Variants in NKAIN2 observed in about 807,000 individuals in gnomAD.
NKAIN2 encodes the protein sodium/potassium transporting ATPase interacting 2.
Under a neutral mutation model 32.6 loss-of-function variants are expected in NKAIN2, and 14 were observed. The ratio of observed to expected loss-of-function variants is 0.43; its 90% CI spans 0.28 to 0.67. NKAIN2 has a LOEUF of 0.67. NKAIN2 is among the 30% of genes least tolerant of loss of function. The pLI, the probability that NKAIN2 is intolerant of heterozygous loss-of-function variation, is 0.17. For synonymous variants in NKAIN2, 80 were observed against 87.2 expected, an observed-to-expected ratio of 0.92 and a Z score of 0.46; for missense variants, 198 against 258.3, an observed-to-expected ratio of 0.77 and a Z score of 1.60.
intron 1 of NKAIN2, among the ~76,000 whole-genome samples, chr6:124,031,973 A>G (rs1008837114): frequency 6.6e-6 from 1 of 152,012 alleles, no homozygotes; most frequent in African/African-American, 2.4e-5. Flanking sequence ...ACATATGTTT[A>G]CTGCAGCACT....
At chr6:124,194,386 G>A (rs564159396) in intron 1 of NKAIN2, among the ~76,000 whole-genome samples, 2 of 151,856 alleles carry the variant, frequency 1.3e-5, no homozygotes, top group South Asian at 2.1e-4. Flanking sequence ...ATCTGTTTCT[G>A]TTATTTAATG....
At chr6:124,609,462 A>G (rs982396901) in intron 3 of NKAIN2, among the ~76,000 whole-genome samples, 1 of 152,140 alleles carries the variant, frequency 6.6e-6, no homozygotes, top group Non-Finnish European at 1.5e-5. Flanking sequence ...GAATATTTAT[A>G]AATCTTGTTC....
At chr6:123,854,016 G>A (rs529246503) in intron 1 of NKAIN2, among the ~76,000 whole-genome samples, 4 of 151,968 alleles carry the variant, frequency 2.6e-5, no homozygotes, top group East Asian at 1.9e-4. Context: ...CAGGTGCTCC[G>A]CCTGCCTTGG....
intron 1 of NKAIN2, among the ~76,000 whole-genome samples, chr6:123,888,072 A>G (rs1462183873): frequency 2.6e-5 from 4 of 152,160 alleles, no homozygotes; most frequent in African/African-American, 9.7e-5. Context: ...AATGCTCTAT[A>G]TAAATATAAA....
chr6:124,016,241 C>T (rs1262688616), intron 1 of NKAIN2, among the ~76,000 whole-genome samples: 1 of 152,006 alleles, frequency 6.6e-6, no homozygotes, highest in African/African-American at 2.4e-5. Flanking sequence ...CAGGTTTTGT[C>T]ATAAAATTTT....
chr6:124,626,873 G>C (rs1382085440), intron 3 of NKAIN2, among the ~76,000 whole-genome samples: 1 of 152,142 alleles, frequency 6.6e-6, no homozygotes, highest in Non-Finnish European at 1.5e-5. Context: ...CCTTCCAGAG[G>C]AGAATGAAGC....
intron 4 of NKAIN2, among the ~76,000 whole-genome samples, chr6:124,706,586 G>A (rs528237176): frequency 5.5e-4 from 83 of 152,212 alleles, no homozygotes; most frequent in African/African-American, 1.9e-3. Context: ...AAACTGAGAA[G>A]TTCCAAACAG....
rs990447196 is a variant in NKAIN2 at position 124,388,465 on chromosome 6, C to A, written c.273+33118C>A. On this transcript the variant is annotated intron_variant, in intron 3 of 6. Transcript: ENST00000368417. ...TGCTGATGCTGCTGGCCCATGTGCC[C>A]CACTTTGAAAAACACTGATCTACAG... Among the ~76,000 whole-genome samples, 9 of 151,910 alleles carry A rather than the reference C, an allele frequency of 5.9e-5. 1 individual carries two copies. The highest frequency in any genetic ancestry group is 5.9e-4 in the Admixed American group (9 of 15,224).
chr6:124,373,143 T>C (rs1799837869), intron 3 of NKAIN2, among the ~76,000 whole-genome samples: 1 of 152,146 alleles, frequency 6.6e-6, no homozygotes, highest in South Asian at 2.1e-4. Context: ...GTAAAAAGTA[T>C]ATATCCTAAT....
At chr6:123,982,895 A>G (rs1221903435) in intron 1 of NKAIN2, among the ~76,000 whole-genome samples, 1 of 152,070 alleles carries the variant, frequency 6.6e-6, no homozygotes, top group Non-Finnish European at 1.5e-5. Flanking sequence ...CAACCTCACA[A>G]TTGAAAGACA....
chr6:124,755,881 T>A lies in NKAIN2; in HGVS notation c.475-35458T>A, dbSNP rs190223408. ...GAACTTAAAATAATAGTTTAAAAAA[T>A]TTTTTAAACATTTTTAAATGAAAAT... On this transcript the variant is annotated intron_variant, in intron 4 of 6. Coordinates refer to ENST00000368417, the MANE Select transcript of NKAIN2 (RefSeq NM_001040214.3). Among the ~76,000 whole-genome samples, 803 of 152,288 alleles carry A rather than the reference T, an allele frequency of 5.3e-3. 11 individuals are homozygous for A. The highest frequency in any genetic ancestry group is 0.018 in the African/African-American group (742 of 41,580).
intron 3 of NKAIN2, among the ~76,000 whole-genome samples, chr6:124,419,597 A>G (rs550446092): frequency 3.9e-4 from 60 of 152,280 alleles, no homozygotes; most frequent in Non-Finnish European, 8.1e-4. Flanking sequence ...TATGATCCAA[A>G]TTAACTCTTA....
At chr6:124,693,521 G>A (rs1293207633) in intron 4 of NKAIN2, among the ~76,000 whole-genome samples, 1 of 152,194 alleles carries the variant, frequency 6.6e-6, no homozygotes, top group Non-Finnish European at 1.5e-5. Context: ...AGGTGATGTG[G>A]TAGGTAGTGT....
intron 1 of NKAIN2, among the ~76,000 whole-genome samples, chr6:124,257,275 C>T (rs1426162987): frequency 6.6e-6 from 1 of 152,060 alleles, no homozygotes; most frequent in African/African-American, 2.4e-5. Context: ...CTTGCATGCA[C>T]CTTTGAAAAT....
At chr6:123,869,074 G>T (rs529660478) in intron 1 of NKAIN2, among the ~76,000 whole-genome samples, 260 of 152,252 alleles carry the variant, frequency 1.7e-3, no homozygotes, top group African/African-American at 6.0e-3. Context: ...GAGTTATTTA[G>T]TTCTAAATAT....
chr6:124,250,376 A>T (rs1035066555), intron 1 of NKAIN2, among the ~76,000 whole-genome samples: 3 of 152,122 alleles, frequency 2.0e-5, no homozygotes, highest in Admixed American at 1.3e-4. Flanking sequence ...AGAATAAATT[A>T]AAAAAATAAT....
At chr6:124,166,499 T>A (rs1788550219) in intron 1 of NKAIN2, among the ~76,000 whole-genome samples, 1 of 150,724 alleles carries the variant, frequency 6.6e-6, no homozygotes, top group African/African-American at 2.4e-5. Context: ...TTTCTTTTGC[T>A]GTGCAGAAGC....
intron 1 of NKAIN2, among the ~76,000 whole-genome samples, chr6:124,087,970 A>C (rs1784257895): frequency 6.6e-6 from 1 of 152,016 alleles, no homozygotes; most frequent in Non-Finnish European, 1.5e-5. Context: ...TTAAGGATTT[A>C]CTACAACTAT....
At chr6:124,119,815 A>T (rs913149049) in intron 1 of NKAIN2, among the ~76,000 whole-genome samples, 1 of 152,190 alleles carries the variant, frequency 6.6e-6, no homozygotes, top group Non-Finnish European at 1.5e-5. Context: ...TGGAGCTCAG[A>T]CTGGGCTCTG....
Sources: allele counts gnomAD v4.1 joint callset (sites outside exome capture counted in the v4.1 genomes callset), GRCh38; gene constraint gnomAD v4.1.1; transcripts MANE v1.5; gene names NCBI Gene and HGNC (gene_info 2026-07-23, HGNC 2026-07-21).